Variants in CADPS observed in about 807,000 individuals in gnomAD.
CADPS encodes calcium-dependent secretion activator 1.
CADPS carries 57 observed loss-of-function variants against 167.3 expected under a neutral mutation model. That is an observed-to-expected ratio of 0.34 (90% CI 0.28 to 0.42). The LOEUF is 0.42. Ranked by LOEUF, CADPS falls within the 20% of genes least tolerant of loss-of-function variation. CADPS has a pLI of 1.00. For missense variants in CADPS, 1,414 were observed against 1,738.1 expected (o/e 0.81, Z 3.32); for synonymous variants, 676 against 635.3 (o/e 1.06, Z -0.96).
chr3:62,621,628 T>A (rs2063180739), intron 6 of CADPS, among the ~76,000 whole-genome samples: 1 of 152,140 alleles, frequency 6.6e-6, no homozygotes, highest in Admixed American at 6.6e-5. Context: ...TATGTTCAGG[T>A]TACTTACACA....
At chr3:62,565,004 T>C (rs1480058553) in intron 9 of CADPS, among the ~76,000 whole-genome samples, 1 of 152,218 alleles carries the variant, frequency 6.6e-6, no homozygotes, top group Non-Finnish European at 1.5e-5. Context: ...TTGGCCTGTT[T>C]TCACTGTTCT....
At chr3:62,533,170 C>A (rs753497599) in intron 12 of CADPS, 112 bp from the exon 13 acceptor site, 1 of 849,566 alleles carries the variant, frequency 1.2e-6, no homozygotes, top group African/African-American at 1.7e-5. Context: ...AGAGCTAACA[C>A]TCCTTGATTG....
chr3:62,629,998 CT>C lies in CADPS; in HGVS notation c.1325+15723del, dbSNP rs1210974613. Among the ~76,000 whole-genome samples, 5 of 152,194 alleles carry C rather than the reference CT, an allele frequency of 3.3e-5. No homozygotes were observed. In the South Asian group the frequency reaches 6.2e-4, roughly 19 times the overall value. On this transcript the variant is annotated intron_variant, in intron 6 of 29. Transcript: ENST00000383710. ...ACCAGTGATTTCCCATCACACTACT[CT>C]GTTTAATTTTTTTCATAGAATTCAT...
chr3:62,744,092 C>G lies in CADPS; in HGVS notation c.888+9349G>C, dbSNP rs1163382635. ...CTTGGAAAAAAATTGTACAACCCCC[C>G]TTTTAGCTTCTTTACTAAAATGTAG... On this transcript the variant is annotated intron_variant, in intron 3 of 29. Transcript: ENST00000383710. Among the ~76,000 whole-genome samples, 7 of 152,118 alleles carry G rather than the reference C, an allele frequency of 4.6e-5. 1 individual carries two copies. Among genetic ancestry groups the G allele is most frequent in the Admixed American group, 3.9e-4 (6 of 15,268 alleles).
Position 62,412,373 on chromosome 3 carries a change from C to T in CADPS, c.3778-9188G>A, listed in dbSNP as rs1485974737. 4.6e-5 allele frequency among the ~76,000 whole-genome samples: 7 copies of T among 151,870 alleles called. No homozygotes were observed. Among genetic ancestry groups the T allele is most frequent in the African/African-American group, 1.7e-4 (7 of 41,322 alleles). On this transcript the variant is annotated intron_variant, in intron 28 of 29. Transcript: ENST00000383710. The surrounding 1 kb of genome is among the most constrained non-coding windows in gnomAD (Gnocchi z 4.1). ...AACCTGCTGCTGAGAGAATTCAGCT[C>T]CTCTTTTGCCTTTAGCCTTTTCTCA... is the stretch of plus-strand genomic sequence containing the variant.
chr3:62,431,920 T>C lies in CADPS; in HGVS notation c.3777+6184A>G, dbSNP rs549891541. Reference sequence around the variant, plus strand: ...AAAAAACACCACTGATAATGATATGTGGGTGCTGGGAACACAACATTTTAA... The same window carrying C: ...AAAAAACACCACTGATAATGATATGCGGGTGCTGGGAACACAACATTTTAA... On this transcript the variant is annotated intron_variant, in intron 28 of 29. Transcript: ENST00000383710. Among the ~76,000 whole-genome samples the C allele has an allele frequency of 1.3e-3, 201 of 151,906 alleles. 1 individual carries two copies. Among genetic ancestry groups the C allele is most frequent in the Non-Finnish European group, 2.0e-3 (138 of 67,940 alleles).
intron 1 of CADPS, among the ~76,000 whole-genome samples, chr3:62,838,884 GA>G (rs1453293832): frequency 2.0e-5 from 3 of 152,152 alleles, no homozygotes; most frequent in Non-Finnish European, 2.9e-5. Flanking sequence ...TATATAAAAT[GA>G]AATGCCTCCC....
intron 1 of CADPS, among the ~76,000 whole-genome samples, chr3:62,846,990 T>C (rs906807074): frequency 3.3e-5 from 5 of 152,188 alleles, no homozygotes; most frequent in Non-Finnish European, 5.9e-5. Flanking sequence ...TTAGTTAGTA[T>C]TAAAAACATT....
chr3:62,870,837 AC>A (rs1396682577), intron 1 of CADPS, among the ~76,000 whole-genome samples: 1 of 152,190 alleles, frequency 6.6e-6, no homozygotes, highest in African/African-American at 2.4e-5. Flanking sequence ...CAAGGTAGCC[AC>A]CCATCACCGT....
intron 3 of CADPS, among the ~76,000 whole-genome samples, chr3:62,737,511 A>C (rs1467427894): frequency 2.6e-5 from 4 of 151,984 alleles, no homozygotes; most frequent in African/African-American, 9.7e-5. Flanking sequence ...CGTAAACAGA[A>C]GAGTCATATC....
At chr3:62,650,229 C>A (rs1049410850) in intron 5 of CADPS, among the ~76,000 whole-genome samples, 8 of 152,030 alleles carry the variant, frequency 5.3e-5, no homozygotes, top group Non-Finnish European at 1.0e-4. Flanking sequence ...TGGGTGGTAC[C>A]CAGGAATCTG....
chr3:62,744,496 A>T (rs1282864249), intron 3 of CADPS, among the ~76,000 whole-genome samples: 1 of 152,318 alleles, frequency 6.6e-6, no homozygotes, highest in Admixed American at 6.5e-5. Context: ...AAGAAGAAAA[A>T]TTCAAATTAT....
intron 27 of CADPS, among the ~76,000 whole-genome samples, chr3:62,445,503 GA>G (rs1176223991): frequency 6.6e-6 from 1 of 151,958 alleles, no homozygotes; most frequent in East Asian, 1.9e-4. Flanking sequence ...CAATGAAAAT[GA>G]AAGTGAAAGT....
At chr3:62,760,566 C>G (rs2085153484) in intron 2 of CADPS, among the ~76,000 whole-genome samples, 1 of 151,996 alleles carries the variant, frequency 6.6e-6, no homozygotes. Context: ...ACACTAAACT[C>G]ATCCTCTTAA....
intron 6 of CADPS, among the ~76,000 whole-genome samples, chr3:62,636,326 C>G (rs1213381000): frequency 6.6e-6 from 1 of 152,136 alleles, no homozygotes; most frequent in Admixed American, 6.5e-5. Context: ...CCATGCTGAA[C>G]CTTTATTTTT....
intron 11 of CADPS, among the ~76,000 whole-genome samples, chr3:62,537,558 G>T (rs1217020953): frequency 6.6e-6 from 1 of 152,134 alleles, no homozygotes; most frequent in Non-Finnish European, 1.5e-5. Flanking sequence ...TGGAGAAAAA[G>T]AATCTTCTAT....
chr3:62,590,842 T>G (rs961780366), intron 7 of CADPS, among the ~76,000 whole-genome samples: 1 of 151,756 alleles, frequency 6.6e-6, no homozygotes, highest in Non-Finnish European at 1.5e-5. Context: ...AAATTTATAT[T>G]TATTTATTTA....
intron 17 of CADPS, chr3:62,500,219 G>T (rs542736796): frequency 6.6e-6 from 1 of 152,098 alleles, no homozygotes; most frequent in Non-Finnish European, 1.5e-5. Context: ...GCAGTGGTGC[G>T]ATCTCAGCTC....
At position 62,475,594 on chromosome 3, in the gene CADPS, A is replaced by C. The variant is rs1039820957; in HGVS notation, c.3330-1274T>G. On this transcript the variant is annotated intron_variant, in intron 23 of 29. Transcript: ENST00000383710. ...GAGCCCAGTTCTTAAGAAAAAAAAA[A>C]AAAAAAAAAAAAAAAAAACACCTAA... 9.1e-5 allele frequency among the ~76,000 whole-genome samples: 13 copies of C among 143,014 alleles called. No homozygotes were observed. The East Asian group carries it at 2.5e-3, about 28-fold the overall frequency. 93.8% of individuals were successfully genotyped at this position (143,014 alleles called of 152,430 possible).
Sources: allele counts gnomAD v4.1 joint callset (sites outside exome capture counted in the v4.1 genomes callset), GRCh38; gene constraint gnomAD v4.1.1; non-coding constraint Gnocchi (gnomAD v3.1); transcripts MANE v1.5; gene names NCBI Gene and HGNC (gene_info 2026-07-23, HGNC 2026-07-21).